Variants in ATG5 observed in about 807,000 individuals in gnomAD.
The protein encoded by ATG5 is autophagy related 5.
ATG5 carries 14 observed loss-of-function variants against 36.5 expected under a neutral mutation model. The observed-to-expected ratio is 0.38, with a 90% CI of 0.25 to 0.60. The LOEUF (loss-of-function observed/expected upper bound fraction) is 0.60, where lower values mean the gene tolerates loss of function less well. Among genes scored for constraint, ATG5 ranks in the 20% least tolerant of loss-of-function variants. ATG5 has a pLI of 0.60. For synonymous variants in ATG5, 95 were observed against 101.5 expected, an observed-to-expected ratio of 0.94 and a Z score of 0.38; for missense variants, 195 against 326.7, an observed-to-expected ratio of 0.60 and a Z score of 3.11.
intron 6 of ATG5, among the ~76,000 whole-genome samples, chr6:106,234,927 C>T (rs1037535784): frequency 2.0e-5 from 3 of 152,180 alleles, no homozygotes; most frequent in African/African-American, 7.2e-5. Flanking sequence ...GAGCTTTAGA[C>T]TTGCTAACCT....
chr6:106,273,563 G>A (rs976252311), intron 5 of ATG5, among the ~76,000 whole-genome samples: 6 of 152,074 alleles, frequency 3.9e-5, no homozygotes, highest in Admixed American at 3.9e-4. Flanking sequence ...CAGCTTTACA[G>A]ACATCACCTA....
intron 2 of ATG5, among the ~76,000 whole-genome samples, chr6:106,311,295 A>C (rs1770636897): frequency 6.6e-6 from 1 of 152,242 alleles, no homozygotes; most frequent in Admixed American, 6.5e-5. Flanking sequence ...ACAAAATTAC[A>C]AATGTGATTA....
At chr6:106,222,979 A>G (rs12664702) in intron 6 of ATG5, among the ~76,000 whole-genome samples, 1 of 152,172 alleles carries the variant, frequency 6.6e-6, no homozygotes, top group East Asian at 1.9e-4. Context: ...AATCTTAAAA[A>G]TATTGAATAA....
At chr6:106,194,194 C>T (rs893527535) in intron 7 of ATG5, among the ~76,000 whole-genome samples, 2 of 152,142 alleles carry the variant, frequency 1.3e-5, no homozygotes, top group Non-Finnish European at 2.9e-5. Flanking sequence ...AATTGTAAAA[C>T]CCGCAATCTG....
intron 7 of ATG5, among the ~76,000 whole-genome samples, chr6:106,189,854 A>T (rs774730373): frequency 4.6e-5 from 7 of 152,134 alleles, no homozygotes; most frequent in Admixed American, 2.0e-4. Context: ...TCAGGTTTTT[A>T]AAAAAAGCTA....
intron 3 of ATG5, among the ~76,000 whole-genome samples, chr6:106,308,028 G>A (rs1770513392): frequency 1.3e-5 from 2 of 149,442 alleles, no homozygotes; most frequent in African/African-American, 4.9e-5. Context: ...ATATTTTGGT[G>A]TCAGAAATAA....
At chr6:106,224,155 G>C (rs748245398) in intron 6 of ATG5, among the ~76,000 whole-genome samples, 3 of 152,198 alleles carry the variant, frequency 2.0e-5, no homozygotes, top group Non-Finnish European at 1.5e-5. Flanking sequence ...AGTTAACAGA[G>C]TCAGATAATA....
At chr6:106,322,537 T>A (rs1417195543) in intron 1 of ATG5, among the ~76,000 whole-genome samples, 1 of 152,204 alleles carries the variant, frequency 6.6e-6, no homozygotes, top group East Asian at 1.9e-4. Context: ...AATGTTCACT[T>A]CTTCCTCCTC....
intron 5 of ATG5, among the ~76,000 whole-genome samples, chr6:106,268,291 T>C (rs1277379463): frequency 6.6e-6 from 1 of 152,214 alleles, no homozygotes; most frequent in Non-Finnish European, 1.5e-5. Context: ...TCATCTTCAC[T>C]GATCATTAGA....
intron 6 of ATG5, among the ~76,000 whole-genome samples, chr6:106,224,428 A>G (rs1299377676): frequency 6.6e-6 from 1 of 152,240 alleles, no homozygotes; most frequent in Non-Finnish European, 1.5e-5. Flanking sequence ...AGTGATCAAA[A>G]GAGTTATTCC....
At chr6:106,287,639 C>G (rs1780131530) in intron 4 of ATG5, among the ~76,000 whole-genome samples, 2 of 152,280 alleles carry the variant, frequency 1.3e-5, no homozygotes, top group African/African-American at 4.8e-5. Flanking sequence ...GATTTGTTTA[C>G]TCTATTAAAC....
chr6:106,323,647 CACTATTACT>C (rs1771188315), intron 1 of ATG5, among the ~76,000 whole-genome samples: 1 of 152,114 alleles, frequency 6.6e-6, no homozygotes, highest in African/African-American at 2.4e-5. Context: ...GCACTACCGC[CACTATTACT>C]ACCCTGATTC....
intron 2 of ATG5, among the ~76,000 whole-genome samples, chr6:106,310,793 A>G (rs564976765): frequency 2.9e-4 from 44 of 152,314 alleles, no homozygotes; most frequent in African/African-American, 9.4e-4. Context: ...AAGTGGAACC[A>G]TATAATATTT....
At chr6:106,302,368 TGTTTGGCTTTATA>T (rs1770251450) in intron 3 of ATG5, among the ~76,000 whole-genome samples, 1 of 152,118 alleles carries the variant, frequency 6.6e-6, no homozygotes, top group Non-Finnish European at 1.5e-5. Context: ...CATGCTTTAG[TGTTTGGCTTTATA>T]CTGTAGATGA....
rs115929573 is a variant in ATG5, at chr6:106,315,835, T to G, written c.108+266A>C. 7.4e-3 allele frequency among the ~76,000 whole-genome samples: 1,133 copies of G among 152,282 alleles called. 15 individuals carry two copies. The highest frequency in any genetic ancestry group is 0.026 in the African/African-American group (1,071 of 41,554). On this transcript the variant is annotated intron_variant, in intron 2 of 7. Transcript: ENST00000369076. The stretch of plus-strand genomic sequence containing the variant: ...GTCAAGAAGGCACCATAGCTGATGA[T>G]TCCATTAACATACCCACATACATGT...
intron 5 of ATG5, among the ~76,000 whole-genome samples, chr6:106,269,165 AG>A (rs1287477336): frequency 6.6e-6 from 1 of 152,142 alleles, no homozygotes; most frequent in Non-Finnish European, 1.5e-5. Flanking sequence ...AGGTTCTCCA[AG>A]TCCCCACCAG....
In ATG5 at chr6:106,215,477, T is replaced by C. The variant is rs1776999966; in HGVS notation, c.574-13388A>G. 2.0e-5 allele frequency among the ~76,000 whole-genome samples: 3 copies of C among 152,228 alleles called. No individual in the cohort carries two copies. In the South Asian group the frequency reaches 6.2e-4, roughly 32 times the overall value. On this transcript the variant is annotated intron_variant, in intron 6 of 7. Coordinates refer to ENST00000369076, the MANE Select transcript of ATG5 (RefSeq NM_004849.4). ...AAAAATTTATTCTACTAAAGTAACATCAAAGGGAAATTTCATAAAAATTCT... is the reference window on the plus strand; with the variant it reads ...AAAAATTTATTCTACTAAAGTAACACCAAAGGGAAATTTCATAAAAATTCT...
intron 1 of ATG5, among the ~76,000 whole-genome samples, chr6:106,322,539 T>C (rs2114692828): frequency 6.6e-6 from 1 of 152,132 alleles, no homozygotes; most frequent in East Asian, 1.9e-4. Context: ...TGTTCACTTC[T>C]TCCTCCTCCT....
intron 6 of ATG5, among the ~76,000 whole-genome samples, chr6:106,220,978 A>G (rs1777225794): frequency 6.6e-6 from 1 of 152,250 alleles, no homozygotes; most frequent in Non-Finnish European, 1.5e-5. Context: ...AGAAATAAAC[A>G]TTCTTTGGAC....
Sources: allele counts gnomAD v4.1 joint callset (sites outside exome capture counted in the v4.1 genomes callset), GRCh38; gene constraint gnomAD v4.1.1; transcripts MANE v1.5; gene names NCBI Gene and HGNC (gene_info 2026-07-23, HGNC 2026-07-21).